Variants in SEMA3A observed in about 807,000 individuals in gnomAD.
SEMA3A encodes semaphorin 3A.
In SEMA3A, 29 loss-of-function variants were observed where a neutral mutation model predicts 97.9. The observed-to-expected ratio is 0.30, with a 90% CI of 0.22 to 0.40. The LOEUF is 0.40. Among genes scored for constraint, SEMA3A ranks in the 10% least tolerant of loss-of-function variants. The pLI, the probability that SEMA3A is intolerant of heterozygous loss-of-function variation, is 1.00. For synonymous variants in SEMA3A, 321 were observed against 323.7 expected (o/e 0.99, Z 0.09); for missense variants, 763 against 951.3 (o/e 0.80, Z 2.60).
At chr7:84,172,507 C>T (rs1336153226) in intron 1 of SEMA3A, among the ~76,000 whole-genome samples, 7 of 152,202 alleles carry the variant, frequency 4.6e-5, no homozygotes, top group East Asian at 1.9e-4. Context: ...CTTCAAGCTC[C>T]GCCTCCTGGG....
intron 2 of SEMA3A, among the ~76,000 whole-genome samples, chr7:84,355,526 A>G (rs1362904804): frequency 1.3e-5 from 2 of 151,894 alleles, no homozygotes; most frequent in East Asian, 3.9e-4. Flanking sequence ...AATTTACGTA[A>G]CTAACATTCA....
chr7:84,443,895 T>C (rs1268440057), intron 1 of SEMA3A, among the ~76,000 whole-genome samples: 1 of 142,826 alleles, frequency 7.0e-6, no homozygotes, highest in Non-Finnish European at 1.5e-5. Flanking sequence ...TTTTTTTTTT[T>C]TTTTTTTTTG....
chr7:84,058,192 C>G (rs1320014611), intron 5 of SEMA3A, among the ~76,000 whole-genome samples: 1 of 152,136 alleles, frequency 6.6e-6, no homozygotes, highest in Non-Finnish European at 1.5e-5. Context: ...AAGGAAGAAG[C>G]CTAGAACCAC....
intron 6 of SEMA3A, among the ~76,000 whole-genome samples, chr7:84,028,822 T>C (rs1166458265): frequency 2.6e-5 from 4 of 152,156 alleles, no homozygotes; most frequent in African/African-American, 4.8e-5. Context: ...GGTTTCACCA[T>C]GTCAGCCAGG....
intron 12 of SEMA3A, among the ~76,000 whole-genome samples, chr7:83,985,679 T>G (rs938577981): frequency 6.6e-6 from 1 of 152,220 alleles, no homozygotes. Flanking sequence ...ATTGTGTCAG[T>G]GTCATACAGT....
intron 7 of SEMA3A, among the ~76,000 whole-genome samples, chr7:84,013,834 A>G (rs546460563): frequency 6.6e-6 from 1 of 152,280 alleles, no homozygotes; most frequent in East Asian, 1.9e-4. Flanking sequence ...GGGGCAGAGC[A>G]AGACTCTGTC....
intron 3 of SEMA3A, among the ~76,000 whole-genome samples, chr7:84,230,462 G>C (rs1373264935): frequency 6.6e-6 from 1 of 151,958 alleles, no homozygotes; most frequent in Admixed American, 6.6e-5. Flanking sequence ...ACAGGGACAA[G>C]TTCAATTTAA....
chr7:84,160,323 T>C (rs979427360), intron 1 of SEMA3A, among the ~76,000 whole-genome samples: 4 of 151,966 alleles, frequency 2.6e-5, no homozygotes, highest in Non-Finnish European at 4.4e-5. Context: ...ATACCCTTTA[T>C]ATATATTAAC....
At chr7:84,425,874 A>ACC (rs764068298) in intron 1 of SEMA3A, among the ~76,000 whole-genome samples, 4 of 74,198 alleles carry the variant, frequency 5.4e-5, no homozygotes. Flanking sequence ...ACACACACAC[A>ACC]CACCCACACA....
intron 11 of SEMA3A, among the ~76,000 whole-genome samples, chr7:84,005,075 G>C (rs1486304475): frequency 1.3e-5 from 2 of 151,964 alleles, no homozygotes; most frequent in East Asian, 3.9e-4. Flanking sequence ...CTTTTCTCTA[G>C]CTTGTTTTAT....
At chr7:84,363,646 T>C (rs1408020822) in intron 2 of SEMA3A, among the ~76,000 whole-genome samples, 3 of 151,912 alleles carry the variant, frequency 2.0e-5, no homozygotes, top group Non-Finnish European at 2.9e-5. Context: ...CAATAAACTT[T>C]ATGGTTTAGA....
chr7:83,992,712 A>G (rs557660582), intron 12 of SEMA3A, among the ~76,000 whole-genome samples: 1 of 151,814 alleles, frequency 6.6e-6, no homozygotes, highest in Non-Finnish European at 1.5e-5. Context: ...GTTCTTTTAC[A>G]TTTGCTGAGG....
chr7:84,173,559 C>CAA lies in SEMA3A; in HGVS notation c.112+20914_112+20915dup, dbSNP rs34919422. ...GGGCAGTAAGAGTGAAACTCTGTCT[C>CAA]AAAAAAAAAAAAAAAAAAAAAAAAT... On this transcript the variant is annotated intron_variant, in intron 1 of 16. Coordinates refer to ENST00000265362, the MANE Select transcript of SEMA3A (RefSeq NM_006080.3). Among the ~76,000 whole-genome samples the CAA allele has an allele frequency of 9.3e-3, 750 of 80,440 alleles. 12 individuals carry two copies. The highest frequency in any genetic ancestry group is 0.028 in the Middle Eastern group (3 of 108). The allele number at this position is 80,440 out of a possible 152,430, so 52.8% of individuals were successfully genotyped here.
At chr7:84,113,305 A>G (rs1354658812) in intron 3 of SEMA3A, among the ~76,000 whole-genome samples, 1 of 152,224 alleles carries the variant, frequency 6.6e-6, no homozygotes, top group Non-Finnish European at 1.5e-5. Flanking sequence ...GAAAACCTAC[A>G]TAAAAGAGTA....
intron 15 of SEMA3A, among the ~76,000 whole-genome samples, chr7:83,966,442 G>A (rs1788695791): frequency 6.6e-6 from 1 of 152,036 alleles, no homozygotes; most frequent in Non-Finnish European, 1.5e-5. Flanking sequence ...TGAGCTTGGT[G>A]CCCTTAGTAA....
chr7:84,149,297 A>G (rs1796556672), intron 1 of SEMA3A, among the ~76,000 whole-genome samples: 1 of 152,220 alleles, frequency 6.6e-6, no homozygotes, highest in Non-Finnish European at 1.5e-5. Flanking sequence ...TTTGTTTCCA[A>G]ATAGTTTCTT....
intron 1 of SEMA3A, among the ~76,000 whole-genome samples, chr7:84,384,104 A>T (rs1803339656): frequency 6.6e-6 from 1 of 152,198 alleles, no homozygotes; most frequent in Non-Finnish European, 1.5e-5. Flanking sequence ...AAAGTTAATG[A>T]GTCCTTTAAA....
chr7:84,351,066 T>TACAC lies in SEMA3A; in HGVS notation c.-169+20754_-169+20757dup, dbSNP rs149149582. The stretch of plus-strand genomic sequence containing the variant: ...ACATGCATGCAGATGTACACATGCA[T>TACAC]ACACACACACACACACACACACACA... On this transcript the variant is annotated intron_variant, in intron 2 of 3. Coordinates refer to the SEMA3A transcript ENST00000424555. Among the ~76,000 whole-genome samples, 1,295 of 146,640 alleles carry TACAC rather than the reference T, an allele frequency of 8.8e-3. 23 individuals carry two copies. Among genetic ancestry groups the TACAC allele is most frequent in the East Asian group, 0.077 (385 of 4,992 alleles).
At chr7:84,487,824 T>C (rs1044074624) in intron 1 of SEMA3A, among the ~76,000 whole-genome samples, 3 of 152,154 alleles carry the variant, frequency 2.0e-5, no homozygotes, top group African/African-American at 7.2e-5. Context: ...GAATAGTCTA[T>C]GACTTTATAA....
Sources: gnomAD v4.1 joint callset for allele counts (sites outside exome capture counted in the v4.1 genomes callset) on GRCh38, gnomAD v4.1.1 for gene constraint, MANE v1.5 for transcripts, NCBI Gene and HGNC (gene_info 2026-07-23, HGNC 2026-07-21) for gene names.